RELN: variants seen among roughly 807,000 people sequenced by gnomAD.
The protein encoded by RELN is reelin.
Under a neutral mutation model 427.6 loss-of-function variants are expected in RELN, and 108 were observed. That is an observed-to-expected ratio of 0.25 (90% CI 0.22 to 0.30). The LOEUF (loss-of-function observed/expected upper bound fraction) is 0.30, where lower values mean the gene tolerates loss of function less well. Among genes scored for constraint, RELN ranks in the 10% least tolerant of loss-of-function variants. The probability of loss-of-function intolerance (pLI) is 1.00; values close to 1 mark genes in which losing one functional copy is unlikely to be tolerated. For synonymous variants in RELN, 1,524 were observed against 1,513.4 expected (o/e 1.01, Z -0.16); for missense variants, 3,715 against 4,302.8 (o/e 0.86, Z 3.82).
chr7:103,917,681 A>G (rs1795516670), intron 1 of RELN, among the ~76,000 whole-genome samples: 1 of 152,050 alleles, frequency 6.6e-6, no homozygotes, highest in Non-Finnish European at 1.5e-5. Flanking sequence ...AAGTTTTCCA[A>G]CAAAAGCCGA....
chr7:103,979,892 T>G (rs994314679), intron 1 of RELN, among the ~76,000 whole-genome samples: 2 of 152,248 alleles, frequency 1.3e-5, no homozygotes, highest in Non-Finnish European at 2.9e-5. Flanking sequence ...CCAGGCGCGA[T>G]GGCTCACACC....
chr7:103,696,225 A>G (rs1309281147), intron 10 of RELN, among the ~76,000 whole-genome samples: 2 of 152,128 alleles, frequency 1.3e-5, no homozygotes, highest in South Asian at 2.1e-4. Context: ...CTGTGTTTGT[A>G]TTTTATTTTC....
intron 52 of RELN, among the ~76,000 whole-genome samples, chr7:103,502,408 TCTTTA>T (rs1343434541): frequency 1.3e-5 from 2 of 152,252 alleles, no homozygotes; most frequent in East Asian, 1.9e-4. Flanking sequence ...CTTTTGTGTA[TCTTTA>T]CTTTTAAAGT....
chr7:103,924,432 G>C (rs988626533), intron 1 of RELN, among the ~76,000 whole-genome samples: 6 of 152,088 alleles, frequency 3.9e-5, no homozygotes, highest in African/African-American at 1.2e-4. Context: ...AAGAGCCCTG[G>C]ATCAGCCCAC....
chr7:103,717,006 A>G (rs1789954439), intron 8 of RELN, among the ~76,000 whole-genome samples: 1 of 152,222 alleles, frequency 6.6e-6, no homozygotes, highest in African/African-American at 2.4e-5. Flanking sequence ...GCACGAATTT[A>G]TGAATGAATT....
chr7:103,936,110 T>TTTTTTA (rs1584382225), intron 1 of RELN, among the ~76,000 whole-genome samples: 1 of 151,140 alleles, frequency 6.6e-6, no homozygotes, highest in Non-Finnish European at 1.5e-5. Flanking sequence ...TTTTTTTTTT[T>TTTTTTA]GAGACAGAGT....
chr7:103,782,194 C>T (rs745540), intron 3 of RELN, among the ~76,000 whole-genome samples: 27,138 of 151,986 alleles, frequency 0.18, 2,546 homozygotes, highest in East Asian at 0.31. Flanking sequence ...ATATTCAGTG[C>T]TTGAAAAAGC....
At chr7:103,510,645 A>G (rs926478471) in intron 51 of RELN, among the ~76,000 whole-genome samples, 1 of 152,184 alleles carries the variant, frequency 6.6e-6, no homozygotes, top group African/African-American at 2.4e-5. Flanking sequence ...AAAGATGAAA[A>G]AAAGTTTCAA....
rs551623157 is a variant in RELN at position 103,593,365 on chromosome 7, C to T, written c.3912+317G>A. On this transcript the variant is annotated intron_variant, in intron 27 of 64. Transcript: ENST00000428762. ...ATGAAAAGGACAACTTATTCATCAT[C>T]GTTTAGAAGCTTGAGATTCATTAAG... 2.3e-3 allele frequency among the ~76,000 whole-genome samples: 350 copies of T among 152,282 alleles called. 2 individuals carry two copies. Among genetic ancestry groups the T allele is most frequent in the Non-Finnish European group, 4.0e-3 (271 of 68,032 alleles).
intron 8 of RELN, among the ~76,000 whole-genome samples, chr7:103,710,659 A>G (rs532977559): frequency 6.6e-6 from 1 of 152,268 alleles, no homozygotes; most frequent in African/African-American, 2.4e-5. Context: ...AATATTAAGC[A>G]TCAACTCTGA....
chr7:103,956,494 C>T lies in RELN; in HGVS notation c.226+32637G>A, dbSNP rs2116777179. ...AGAAAAGTATATCCTTACAGCATGA[C>T]TTCTGGATATAATACAAAAAAATCT... On this transcript the variant is annotated intron_variant, in intron 1 of 64. Transcript: ENST00000428762. 1.3e-5 allele frequency among the ~76,000 whole-genome samples: 2 copies of T among 152,270 alleles called. 1 individual carries two copies. Among genetic ancestry groups the T allele is most frequent in the Middle Eastern group, 6.8e-3 (2 of 294 alleles).
At chr7:103,984,153 T>TAAAAAAAAAAA (rs71519166) in intron 1 of RELN, among the ~76,000 whole-genome samples, 1 of 144,782 alleles carries the variant, frequency 6.9e-6, no homozygotes, top group Non-Finnish European at 1.5e-5. Flanking sequence ...TCCCAGGAGG[T>TAAAAAAAAAAA]AAAAAAAAAA....
intron 1 of RELN, among the ~76,000 whole-genome samples, chr7:103,937,088 A>T (rs1796004540): frequency 6.6e-6 from 1 of 152,080 alleles, no homozygotes; most frequent in African/African-American, 2.4e-5. Context: ...GTGTGTATTT[A>T]TTGTCCTTAG....
intron 28 of RELN, among the ~76,000 whole-genome samples, chr7:103,584,245 C>T (rs1831219036): frequency 6.6e-6 from 1 of 152,174 alleles, no homozygotes; most frequent in Admixed American, 6.5e-5. Context: ...TGGGCTAAAT[C>T]CTCAACTAGG....
intron 64 of RELN, chr7:103,476,745 G>A (rs373400535): frequency 5.0e-6 from 2 of 397,514 alleles, no homozygotes; most frequent in South Asian, 2.0e-5. Flanking sequence ...AACAGCATTG[G>A]GAATTAGGGG....
chr7:103,492,073 C>A, intron 57 of RELN, 47 bp from the exon 58 acceptor site: 2 of 1,399,470 alleles, frequency 1.4e-6, no homozygotes, highest in Non-Finnish European at 2.0e-6. Flanking sequence ...TTAGATGATA[C>A]TGAATTCCAT....
chr7:103,645,585 C>A (rs532911906), intron 16 of RELN, among the ~76,000 whole-genome samples: 12 of 151,638 alleles, frequency 7.9e-5, no homozygotes, highest in African/African-American at 2.9e-4. Flanking sequence ...AGTAGCAATC[C>A]TAAATACATA....
At chr7:103,952,454 C>T (rs1796351069) in intron 1 of RELN, among the ~76,000 whole-genome samples, 1 of 152,112 alleles carries the variant, frequency 6.6e-6, no homozygotes, top group Non-Finnish European at 1.5e-5. Flanking sequence ...ACTTTCATTT[C>T]CAGTTTCAAA....
At chr7:103,887,622 G>C (rs1340529044) in intron 2 of RELN, among the ~76,000 whole-genome samples, 1 of 152,176 alleles carries the variant, frequency 6.6e-6, no homozygotes, top group Non-Finnish European at 1.5e-5. Flanking sequence ...TGGGATGAGA[G>C]AATTAGGAAC....
Sources: allele counts gnomAD v4.1 joint callset (sites outside exome capture counted in the v4.1 genomes callset), GRCh38; gene constraint gnomAD v4.1.1; transcripts MANE v1.5; gene names NCBI Gene and HGNC (gene_info 2026-07-23, HGNC 2026-07-21).